Variants in PRKG1 observed in about 807,000 individuals in gnomAD.
PRKG1 encodes the protein protein kinase cGMP-dependent 1.
In PRKG1, 35 loss-of-function variants were observed where a neutral mutation model predicts 88.1. That is an observed-to-expected ratio of 0.40 (90% CI 0.30 to 0.53). The LOEUF (loss-of-function observed/expected upper bound fraction) is 0.53, where lower values mean the gene tolerates loss of function less well. Ranked by LOEUF, PRKG1 falls within the 20% of genes least tolerant of loss-of-function variation. The pLI is 0.59. For synonymous variants in PRKG1, 303 were observed against 292.5 expected (o/e 1.04, Z -0.37); for missense variants, 540 against 839.8 (o/e 0.64, Z 4.41).
chr10:52,010,511 A>G (rs1169597846), intron 5 of PRKG1, among the ~76,000 whole-genome samples: 1 of 152,170 alleles, frequency 6.6e-6, no homozygotes, highest in African/African-American at 2.4e-5. Flanking sequence ...GCTGAGTACT[A>G]TACTCATCAT....
intron 9 of PRKG1, among the ~76,000 whole-genome samples, chr10:52,217,035 T>C (rs1270850586): frequency 3.3e-5 from 5 of 152,044 alleles, no homozygotes; most frequent in East Asian, 1.9e-4. Context: ...TGTCTGATGG[T>C]GATGCGGAAA....
intron 1 of PRKG1, among the ~76,000 whole-genome samples, chr10:51,024,657 G>C (rs777649307): frequency 6.6e-6 from 1 of 152,132 alleles, no homozygotes; most frequent in Non-Finnish European, 1.5e-5. Context: ...AATTATCTCA[G>C]GCTGTACAGG....
chr10:51,228,602 G>T (rs1197117764), intron 2 of PRKG1, among the ~76,000 whole-genome samples: 1 of 152,192 alleles, frequency 6.6e-6, no homozygotes, highest in African/African-American at 2.4e-5. Flanking sequence ...AAGAGAGAGA[G>T]AGGGGAGACC....
At chr10:51,624,161 G>C (rs1240692070) in intron 3 of PRKG1, among the ~76,000 whole-genome samples, 1 of 152,082 alleles carries the variant, frequency 6.6e-6, no homozygotes, top group East Asian at 1.9e-4. Context: ...TACATTTGGG[G>C]CTGTATTCTG....
intron 7 of PRKG1, among the ~76,000 whole-genome samples, chr10:52,096,575 C>T (rs1045707609): frequency 2.6e-5 from 4 of 152,112 alleles, no homozygotes; most frequent in African/African-American, 9.7e-5. Flanking sequence ...ACACTTGCTT[C>T]GACACTAGCT....
chr10:52,220,172 A>T (rs565455122), intron 9 of PRKG1, among the ~76,000 whole-genome samples: 3 of 152,294 alleles, frequency 2.0e-5, no homozygotes, highest in Non-Finnish European at 4.4e-5. Flanking sequence ...AAGTATGACA[A>T]CTGAGGCTAC....
At chr10:51,726,167 T>A (rs2132460956) in intron 3 of PRKG1, among the ~76,000 whole-genome samples, 1 of 152,354 alleles carries the variant, frequency 6.6e-6, no homozygotes, top group South Asian at 2.1e-4. Flanking sequence ...AGGTCTTTTT[T>A]TAAAGTTTGT....
At position 51,516,357 on chromosome 10, in the gene PRKG1, G is replaced by T. The variant is rs532679623; in HGVS notation, c.592+48521G>T. On this transcript the variant is annotated intron_variant, in intron 3 of 17. Transcript: ENST00000373980. ...GCCATTTCTCCTCTCTACTGAACCTGCAGTCTTTATAGGCACAGGATGGGA... is the reference window on the plus strand; with the variant it reads ...GCCATTTCTCCTCTCTACTGAACCTTCAGTCTTTATAGGCACAGGATGGGA... 3.4e-4 allele frequency among the ~76,000 whole-genome samples: 51 copies of T among 152,086 alleles called. 1 individual carries two copies. The highest frequency in any genetic ancestry group is 2.0e-3 in the Admixed American group (30 of 15,262).
intron 9 of PRKG1, among the ~76,000 whole-genome samples, chr10:52,185,934 G>C (rs1015170926): frequency 6.6e-6 from 1 of 152,192 alleles, no homozygotes; most frequent in African/African-American, 2.4e-5. Flanking sequence ...GCTGGCCCCT[G>C]AAACTATTCA....
chr10:52,123,282 T>G (rs1388375298), intron 7 of PRKG1, among the ~76,000 whole-genome samples: 3 of 152,152 alleles, frequency 2.0e-5, no homozygotes, highest in African/African-American at 7.2e-5. Flanking sequence ...ATATGCAGTC[T>G]CTCAGGAAGT....
At chr10:51,398,351 G>T (rs1013157641) in intron 2 of PRKG1, among the ~76,000 whole-genome samples, 1 of 152,186 alleles carries the variant, frequency 6.6e-6, no homozygotes, top group East Asian at 1.9e-4. Flanking sequence ...ATCTAATGCT[G>T]CTGCTGATCT....
At chr10:51,942,626 TG>T (rs1330711824) in intron 5 of PRKG1, among the ~76,000 whole-genome samples, 1 of 146,976 alleles carries the variant, frequency 6.8e-6, no homozygotes, top group African/African-American at 2.6e-5. Context: ...AATTAATTTT[TG>T]TATAAGGTGT....
chr10:51,218,532 A>ATATATATATATAT (rs61030217), intron 2 of PRKG1, among the ~76,000 whole-genome samples: 4 of 49,408 alleles, frequency 8.1e-5, no homozygotes, highest in African/African-American at 1.1e-4. Flanking sequence ...TATATATATA[A>ATATATATATATAT]AATGTGTGTA....
chr10:52,207,431 G>A (rs1839848807), intron 9 of PRKG1, among the ~76,000 whole-genome samples: 1 of 152,160 alleles, frequency 6.6e-6, no homozygotes, highest in Non-Finnish European at 1.5e-5. Flanking sequence ...AGACAGTCAG[G>A]TACTCAGATC....
chr10:52,234,014 C>G (rs2132357819), intron 9 of PRKG1, among the ~76,000 whole-genome samples: 1 of 152,036 alleles, frequency 6.6e-6, no homozygotes, highest in South Asian at 2.1e-4. Context: ...CCCCTGACCC[C>G]CGAGCAGTCT....
At chr10:51,474,941 TGTCATCCCATGCA>T (rs934051372) in intron 3 of PRKG1, among the ~76,000 whole-genome samples, 3 of 151,968 alleles carry the variant, frequency 2.0e-5, no homozygotes, top group Admixed American at 6.6e-5. Flanking sequence ...ATTTACAAAC[TGTCATCCCATGCA>T]GTCATCCCAT....
At chr10:51,321,944 G>T (rs904959957) in intron 2 of PRKG1, among the ~76,000 whole-genome samples, 5 of 152,098 alleles carry the variant, frequency 3.3e-5, no homozygotes, top group Admixed American at 6.5e-5. Context: ...ACCACAGATG[G>T]TAAGTCTTAG....
chr10:51,101,218 A>G (rs751072923), intron 1 of PRKG1, among the ~76,000 whole-genome samples: 1 of 152,168 alleles, frequency 6.6e-6, no homozygotes, highest in Non-Finnish European at 1.5e-5. Flanking sequence ...AGGCCCTGAT[A>G]TGATAGAATT....
chr10:51,040,502 T>C (rs1318364698), intron 1 of PRKG1, among the ~76,000 whole-genome samples: 6 of 151,580 alleles, frequency 4.0e-5, no homozygotes, highest in Non-Finnish European at 5.9e-5. Flanking sequence ...GTATTTCTAG[T>C]AGAGATGGGG....
Sources: allele counts gnomAD v4.1 joint callset (sites outside exome capture counted in the v4.1 genomes callset), GRCh38; gene constraint gnomAD v4.1.1; transcripts MANE v1.5; gene names NCBI Gene and HGNC (gene_info 2026-07-23, HGNC 2026-07-21).